ANO3: variants seen among roughly 807,000 people sequenced by gnomAD.
The protein encoded by ANO3 is anoctamin-3.
Under a neutral mutation model 144.8 loss-of-function variants are expected in ANO3, and 99 were observed. The ratio of observed to expected loss-of-function variants is 0.68; its 90% CI spans 0.58 to 0.81. The LOEUF is 0.81. Among genes scored for constraint, ANO3 ranks in the 30% least tolerant of loss-of-function variants. The pLI, the probability that ANO3 is intolerant of heterozygous loss-of-function variation, is 0.00. For synonymous variants in ANO3, 414 were observed against 392.6 expected, an observed-to-expected ratio of 1.05 and a Z score of -0.64; for missense variants, 905 against 1,202.2, an observed-to-expected ratio of 0.75 and a Z score of 3.66.
intron 1 of ANO3, among the ~76,000 whole-genome samples, chr11:26,369,296 C>A (rs1564987013): frequency 6.6e-6 from 1 of 152,052 alleles, no homozygotes; most frequent in Non-Finnish European, 1.5e-5. Context: ...AAAATCAATG[C>A]CATCTGGAAA....
intron 18 of ANO3, among the ~76,000 whole-genome samples, chr11:26,632,012 T>C (rs893927500): frequency 2.0e-5 from 3 of 151,876 alleles, no homozygotes; most frequent in Non-Finnish European, 4.4e-5. Context: ...AAACCCCGTC[T>C]CTACTAAAAA....
intron 1 of ANO3, among the ~76,000 whole-genome samples, chr11:26,321,784 A>G (rs1464200349): frequency 6.6e-6 from 1 of 152,038 alleles, no homozygotes; most frequent in Non-Finnish European, 1.5e-5. Flanking sequence ...GCAGTCCTAT[A>G]AAATTCCTTA....
At chr11:26,245,665 A>ACTATTAAT (rs2133814932) in intron 1 of ANO3, among the ~76,000 whole-genome samples, 1 of 152,366 alleles carries the variant, frequency 6.6e-6, no homozygotes, top group Admixed American at 6.5e-5. Context: ...TAAAAAGTCA[A>ACTATTAAT]CTGTAAATGA....
chr11:26,357,280 A>G (rs1855807321), intron 1 of ANO3, among the ~76,000 whole-genome samples: 1 of 152,204 alleles, frequency 6.6e-6, no homozygotes, highest in African/African-American at 2.4e-5. Flanking sequence ...GTGTATGATT[A>G]ACTTTTTAAG....
intron 1 of ANO3, among the ~76,000 whole-genome samples, chr11:26,344,607 C>T (rs1387657622): frequency 6.6e-6 from 1 of 151,950 alleles, no homozygotes; most frequent in Non-Finnish European, 1.5e-5. Flanking sequence ...CCTTGTGATC[C>T]GCCCGCCTCG....
intron 1 of ANO3, among the ~76,000 whole-genome samples, chr11:26,257,288 T>C (rs1179643316): frequency 6.6e-6 from 1 of 152,124 alleles, no homozygotes; most frequent in African/African-American, 2.4e-5. Flanking sequence ...GGTTATTTTA[T>C]ACTCATTTTT....
chr11:26,480,990 T>C (rs1228144904), intron 4 of ANO3, among the ~76,000 whole-genome samples: 1 of 152,094 alleles, frequency 6.6e-6, no homozygotes. Context: ...ATTTATAAAA[T>C]GTGATTGGGA....
At chr11:26,331,643 G>C (rs1035826778), upstream of ANO3, 1 of 152,220 alleles carries the variant, frequency 6.6e-6, no homozygotes, top group Non-Finnish European at 1.5e-5. Flanking sequence ...GGCCTGAATG[G>C]CAGAAGAAGA....
chr11:26,561,673 AC>A (rs1175146513), intron 14 of ANO3, among the ~76,000 whole-genome samples: 2 of 151,968 alleles, frequency 1.3e-5, no homozygotes, highest in Non-Finnish European at 2.9e-5. Context: ...TGATGGCTAA[AC>A]CATTTAAGGT....
At chr11:26,616,170 T>C (rs540952050) in intron 17 of ANO3, among the ~76,000 whole-genome samples, 15 of 152,296 alleles carry the variant, frequency 9.8e-5, no homozygotes, top group African/African-American at 3.6e-4. Flanking sequence ...ACATTGATAT[T>C]ATAAAAAGTA....
At position 26,332,144 on chromosome 11, in the gene ANO3, C is replaced by G. The variant is rs926298215; in HGVS notation, c.-132C>G. ...GCGCGTAGCCTGGAGAGCGAAGTGC[C>G]GGCTACAGCAGGTGTCGGATTGCAG... On this transcript the variant is annotated 5_prime_UTR_variant, in exon 1 of 27. Transcript: ENST00000256737. 17 of 1,547,980 alleles carry G rather than the reference C, an allele frequency of 1.1e-5. No individual in the cohort carries two copies. Among genetic ancestry groups the G allele is most frequent in the Admixed American group, 7.6e-5 (4 of 52,746 alleles).
chr11:26,594,456 G>A (rs1163770470), intron 14 of ANO3, among the ~76,000 whole-genome samples: 1 of 152,176 alleles, frequency 6.6e-6, no homozygotes, highest in African/African-American at 2.4e-5. Context: ...CCTAACCCTT[G>A]TAAAACATCA....
At chr11:26,639,411 G>T (rs1652888969) in intron 21 of ANO3, among the ~76,000 whole-genome samples, 170 bp downstream of exon 21, 3 of 152,128 alleles carry the variant, frequency 2.0e-5, no homozygotes, top group Admixed American at 2.0e-4. Context: ...ACCTTTCAGA[G>T]CCTGTTTTCA....
Position 26,463,189 on chromosome 11 carries a change from T to C in ANO3, c.432+41T>C, listed in dbSNP as rs763041743. 2.0e-5 allele frequency: 22 copies of C among 1,094,904 alleles called. No homozygotes were observed. In the East Asian group the frequency reaches 5.1e-4, roughly 25 times the overall value. The allele number at this position is 1,094,904 out of a possible 1,614,324, so 67.8% of individuals were successfully genotyped here. ...TTATCAATAAGTCATTTTTAGAGCA[T>C]CATTTTTAAAACCTTACAATATTCA... On this transcript the variant is annotated intron_variant, in intron 4 of 26. Coordinates refer to ENST00000256737, the MANE Select transcript of ANO3 (RefSeq NM_031418.4).
intron 18 of ANO3, among the ~76,000 whole-genome samples, chr11:26,627,176 A>G (rs1454118726): frequency 1.3e-5 from 2 of 152,106 alleles, no homozygotes; most frequent in Non-Finnish European, 2.9e-5. Context: ...TGGAGAAACA[A>G]TGTTTTGAAA....
intron 1 of ANO3, among the ~76,000 whole-genome samples, chr11:26,380,968 C>A (rs747318716): frequency 6.6e-6 from 1 of 151,910 alleles, no homozygotes; most frequent in Non-Finnish European, 1.5e-5. Flanking sequence ...GGTGACAGAG[C>A]GAGACTTCAA....
chr11:26,301,978 C>T (rs1854243985), intron 1 of ANO3, among the ~76,000 whole-genome samples: 1 of 152,006 alleles, frequency 6.6e-6, no homozygotes, highest in African/African-American at 2.4e-5. Flanking sequence ...ATTAATATCC[C>T]AAATCGAAAA....
chr11:26,447,411 C>T (rs1056812736), intron 3 of ANO3, among the ~76,000 whole-genome samples: 1 of 151,882 alleles, frequency 6.6e-6, no homozygotes, highest in African/African-American at 2.4e-5. Context: ...AAATAATTTG[C>T]CAAATGTCAC....
At chr11:26,302,838 C>T (rs764071950) in intron 1 of ANO3, among the ~76,000 whole-genome samples, 3 of 151,976 alleles carry the variant, frequency 2.0e-5, no homozygotes, top group Non-Finnish European at 4.4e-5. Context: ...ATAAAATTTC[C>T]TAGTAACTTA....
Sources: gnomAD v4.1 joint callset for allele counts (sites outside exome capture counted in the v4.1 genomes callset) on GRCh38, gnomAD v4.1.1 for gene constraint, MANE v1.5 for transcripts, NCBI Gene and HGNC (gene_info 2026-07-23, HGNC 2026-07-21) for gene names.